The following BIRC6 variants were observed in gnomAD, a reference collection of about 807,000 sequenced individuals.
BIRC6 encodes the protein baculoviral IAP repeat containing 6, also known as dual E2 ubiquitin-conjugating enzyme/E3 ubiquitin-protein ligase BIRC6.
BIRC6 carries 98 observed loss-of-function variants against 503.3 expected under a neutral mutation model. That is an observed-to-expected ratio of 0.19 (90% CI 0.17 to 0.23). The LOEUF is 0.23. Ranked by LOEUF, BIRC6 falls within the 10% of genes least tolerant of loss-of-function variation. The pLI is 1.00. For missense variants in BIRC6, 5,360 were observed against 5,806.0 expected, an observed-to-expected ratio of 0.92 and a Z score of 2.50; for synonymous variants, 2,240 against 2,078.7, an observed-to-expected ratio of 1.08 and a Z score of -2.11.
In BIRC6 at chr2:32,452,237, C is replaced by T. The variant is rs145756259; in HGVS notation, c.4619-1571C>T. Reference sequence around the variant, plus strand: ...GAGGCAGGTAGGAGAATCCAAGTATCCTCTGATACTTCACATTTTAAAGAG... The same window carrying T: ...GAGGCAGGTAGGAGAATCCAAGTATTCTCTGATACTTCACATTTTAAAGAG... On this transcript the variant is annotated intron_variant, in intron 22 of 73. Transcript: ENST00000421745. Among the ~76,000 whole-genome samples, 596 of 152,222 alleles carry T rather than the reference C, an allele frequency of 3.9e-3. 3 individuals carry two copies. The highest frequency in any genetic ancestry group is 0.014 in the African/African-American group (562 of 41,556).
chr2:32,374,614 A>G (rs2036468096), intron 1 of BIRC6, among the ~76,000 whole-genome samples: 1 of 151,784 alleles, frequency 6.6e-6, no homozygotes, highest in Non-Finnish European at 1.5e-5. Flanking sequence ...CTGGGACTAC[A>G]GGCGCCCGCC....
intron 63 of BIRC6, 86 bp from the exon 64 acceptor site, chr2:32,547,764 T>TC (rs2058153478): frequency 8.2e-7 from 1 of 1,225,080 alleles, no homozygotes. Flanking sequence ...CATAGTAGCT[T>TC]CATCATTTTA....
At chr2:32,534,262 C>T (rs375447204) in intron 61 of BIRC6, among the ~76,000 whole-genome samples, 1 of 148,378 alleles carries the variant, frequency 6.7e-6, no homozygotes, top group East Asian at 2.0e-4. Context: ...TTATCCCAGC[C>T]GTTCAGGAGG....
intron 66 of BIRC6, among the ~76,000 whole-genome samples, chr2:32,575,850 A>G (rs1287377010): frequency 6.6e-6 from 1 of 152,176 alleles, no homozygotes; most frequent in African/African-American, 2.4e-5. Context: ...CCCAAATTAT[A>G]CACTTAGAAA....
chr2:32,501,955 C>T lies in BIRC6; in HGVS notation c.9207+67C>T, dbSNP rs116821459. On this transcript the variant is annotated intron_variant, in intron 47 of 73. Transcript: ENST00000421745. ...TTATTGCGATGTAAGTGGAAAATTA[C>T]AGGACAAAGATAAATAAGTATATTT... 1.1e-3 allele frequency: 1,545 copies of T among 1,401,220 alleles called. 19 individuals are homozygous for T. The African/African-American group carries it at 0.019, about 18-fold the overall frequency. 86.8% of individuals were successfully genotyped at this position (1,401,220 alleles called of 1,614,324 possible).
At chr2:32,473,280 T>TATTGTTTTGG in intron 33 of BIRC6, 41 bp downstream of exon 33, 1 of 1,477,162 alleles carries the variant, frequency 6.8e-7, no homozygotes, top group South Asian at 1.3e-5. Flanking sequence ...TGTTTGAGAA[T>TATTGTTTTGG]ATTGTTTTGG....
In BIRC6 at chr2:32,515,256, C is replaced by T; in HGVS notation, c.10835C>T (p.Thr3612Ile). The T allele has an allele frequency of 1.9e-6, 3 of 1,613,860 alleles. No homozygotes were observed. Among genetic ancestry groups the T allele is most frequent in the Non-Finnish European group, 2.5e-6 (3 of 1,179,890 alleles). Residue 3612 changes from threonine (T) to isoleucine (I), a missense_variant, in exon 55 of 74, where the codon ACC becomes ATC. By Grantham distance (89) the Thr-to-Ile change is moderately conservative (BLOSUM62 -1). Transcript: ENST00000421745. ...PLALTESHLA[T>I]LASSSQSPEA... Reference sequence around the variant, plus strand: ...GCATTAACTGAATCACATTTGGCTACCCTTGCTTCCTCTTCTCAATCTCCT... The same window carrying T: ...GCATTAACTGAATCACATTTGGCTATCCTTGCTTCCTCTTCTCAATCTCCT...
intron 17 of BIRC6, 100 bp downstream of exon 17, chr2:32,441,562 A>AT (rs1023162069): frequency 2.7e-5 from 31 of 1,137,628 alleles, no homozygotes; most frequent in Non-Finnish European, 3.4e-5. Context: ...TTACCTGAAA[A>AT]TTTTTTTTGT....
At chr2:32,559,989 C>T (rs1414595411) in intron 65 of BIRC6, among the ~76,000 whole-genome samples, 1 of 152,134 alleles carries the variant, frequency 6.6e-6, no homozygotes, top group Admixed American at 6.5e-5. Flanking sequence ...GCACTCCAGC[C>T]TGGGCAACAG....
chr2:32,559,276 T>C (rs767954142), intron 65 of BIRC6, among the ~76,000 whole-genome samples: 19 of 152,234 alleles, frequency 1.2e-4, no homozygotes, highest in Admixed American at 2.6e-4. Context: ...TTCACTTGCC[T>C]GGTTGTAAGC....
At chr2:32,535,493 C>G (rs1237693058) in intron 61 of BIRC6, among the ~76,000 whole-genome samples, 1 of 152,084 alleles carries the variant, frequency 6.6e-6, no homozygotes, top group Non-Finnish European at 1.5e-5. Flanking sequence ...GTGATGTTCC[C>G]CTTCCCTGTG....
chr2:32,515,261 G>A lies in BIRC6; in HGVS notation c.10840G>A (p.Ala3614Thr). 1 of 1,613,816 alleles carries A rather than the reference G, an allele frequency of 6.2e-7. No individual in the cohort carries two copies. The highest frequency in any genetic ancestry group is 8.5e-7 in the Non-Finnish European group (1 of 1,179,886). ...ALTESHLATL[A>T]SSSQSPEAIK... ...AACTGAATCACATTTGGCTACCCTT[G>A]CTTCCTCTTCTCAATCTCCTGAAGC... The change falls in exon 55 of 74, where the codon GCT becomes ACT. Residue 3614 changes from alanine to threonine, a missense_variant. Around this residue, in one of 16 missense-constraint regions of BIRC6, gnomAD observed 878 missense variants for 928.9 expected, o/e 0.95. Transcript: ENST00000421745.
At chr2:32,384,143 T>TA (rs57639113) in intron 3 of BIRC6, among the ~76,000 whole-genome samples, 2 of 152,120 alleles carry the variant, frequency 1.3e-5, no homozygotes, top group Non-Finnish European at 2.9e-5. Context: ...CTGAAAGCTT[T>TA]AAAAAAAATC....
intron 5 of BIRC6, among the ~76,000 whole-genome samples, chr2:32,394,400 GC>G (rs1299724685): frequency 1.3e-5 from 2 of 151,830 alleles, no homozygotes; most frequent in African/African-American, 4.8e-5. Flanking sequence ...ATTGTGCCTG[GC>G]CCTTGAATTG....
At chr2:32,597,180 A>G (rs781076249) in intron 68 of BIRC6, among the ~76,000 whole-genome samples, 4 of 152,224 alleles carry the variant, frequency 2.6e-5, no homozygotes, top group Non-Finnish European at 5.9e-5. Context: ...CTAAAATTCC[A>G]TAATATGATT....
At chr2:32,487,610 C>A (rs1349686013) in intron 40 of BIRC6, 37 bp from the exon 41 acceptor site, 2 of 1,582,558 alleles carry the variant, frequency 1.3e-6, no homozygotes, top group Non-Finnish European at 1.7e-6. Flanking sequence ...TATCCTGATA[C>A]TTTATGTATA....
chr2:32,369,236 A>T (rs998067758), intron 1 of BIRC6, among the ~76,000 whole-genome samples: 2 of 152,158 alleles, frequency 1.3e-5, no homozygotes, highest in African/African-American at 4.8e-5. Context: ...CTCTATAAGG[A>T]GTGATGAAGA....
intron 10 of BIRC6, among the ~76,000 whole-genome samples, chr2:32,428,237 T>C (rs2043739291): frequency 2.0e-5 from 3 of 152,220 alleles, no homozygotes; most frequent in Admixed American, 2.0e-4. Context: ...GCTGGACACG[T>C]GCACAGCCTC....
intron 33 of BIRC6, among the ~76,000 whole-genome samples, chr2:32,475,564 C>T (rs890240102): frequency 6.6e-6 from 1 of 152,048 alleles, no homozygotes; most frequent in Non-Finnish European, 1.5e-5. Flanking sequence ...CAACTAAATA[C>T]GTACACAGAC....
Sources: allele counts gnomAD v4.1 joint callset (sites outside exome capture counted in the v4.1 genomes callset), GRCh38; gene constraint gnomAD v4.1.1; regional missense constraint gnomAD v4.1.1; transcripts MANE v1.5; gene names NCBI Gene and HGNC (gene_info 2026-07-23, HGNC 2026-07-21).